Variants in KCNK2 observed in about 807,000 individuals in gnomAD.
The protein encoded by KCNK2 is potassium two pore domain channel subfamily K member 2.
KCNK2 carries 21 observed loss-of-function variants against 40.5 expected under a neutral mutation model. The observed-to-expected ratio is 0.52, with a 90% CI of 0.37 to 0.75. The LOEUF (loss-of-function observed/expected upper bound fraction) is 0.75. KCNK2 is among the 30% of genes least tolerant of loss of function. KCNK2 has a pLI of 0.00. For missense variants in KCNK2, 399 were observed against 531.6 expected (o/e 0.75, Z 2.45); for synonymous variants, 191 against 202.2 (o/e 0.94, Z 0.47).
At chr1:215,200,107 G>C (rs549117424) in intron 6 of KCNK2, among the ~76,000 whole-genome samples, 1 of 152,144 alleles carries the variant, frequency 6.6e-6, no homozygotes. Context: ...CTTAGTCTCC[G>C]GAGATGTTTA....
chr1:215,059,507 A>G (rs1558072867), intron 1 of KCNK2, among the ~76,000 whole-genome samples: 1 of 152,316 alleles, frequency 6.6e-6, no homozygotes, highest in South Asian at 2.1e-4. Flanking sequence ...AGAGAAAAAT[A>G]TTAATAAGAT....
At chr1:215,063,679 T>G (rs1416372664) in intron 1 of KCNK2, among the ~76,000 whole-genome samples, 1 of 152,182 alleles carries the variant, frequency 6.6e-6, no homozygotes, top group Non-Finnish European at 1.5e-5. Flanking sequence ...TCGCTCAGAC[T>G]CCTCTGAGAG....
chr1:215,014,941 A>G, intron 1 of KCNK2, among the ~76,000 whole-genome samples: 1 of 152,136 alleles, frequency 6.6e-6, no homozygotes, highest in East Asian at 1.9e-4. Flanking sequence ...ATATTAGCTA[A>G]AGGGAGAGAG....
intron 6 of KCNK2, among the ~76,000 whole-genome samples, chr1:215,196,804 T>C (rs1213167678): frequency 1.3e-5 from 2 of 152,066 alleles, no homozygotes; most frequent in East Asian, 3.9e-4. Flanking sequence ...ATGGAAATTG[T>C]AGCTAGGGAA....
chr1:215,057,648 G>A (rs903627190), intron 1 of KCNK2, among the ~76,000 whole-genome samples: 1 of 152,132 alleles, frequency 6.6e-6, no homozygotes, highest in African/African-American at 2.4e-5. Context: ...TGGCAAGATG[G>A]AAGAAACAAA....
chr1:215,148,412 C>T (rs555760660), intron 3 of KCNK2, among the ~76,000 whole-genome samples: 69 of 151,704 alleles, frequency 4.5e-4, no homozygotes, highest in South Asian at 8.3e-4. Flanking sequence ...TAAATATGTA[C>T]GTATCAATAA....
At position 215,101,492 on chromosome 1, in the gene KCNK2, G is replaced by C. The variant is rs548615987; in HGVS notation, c.357+14814G>C. Among the ~76,000 whole-genome samples, 3 of 152,066 alleles carry C rather than the reference G, an allele frequency of 2.0e-5. No individual in the cohort carries two copies. The South Asian group carries it at 6.2e-4, about 32-fold the overall frequency. On this transcript the variant is annotated intron_variant, in intron 2 of 6. Transcript: ENST00000444842. ...TGATGTGTTCTAAGACCCATAGAAGGTCTGATGTGATCGGGCCATCTCTGG... is the reference window on the plus strand; with the variant it reads ...TGATGTGTTCTAAGACCCATAGAAGCTCTGATGTGATCGGGCCATCTCTGG...
chr1:215,194,846 AT>A, intron 5 of KCNK2, 106 bp from the exon 6 acceptor site: 1 of 857,440 alleles, frequency 1.2e-6, no homozygotes, highest in South Asian at 1.6e-5. Flanking sequence ...AGAATACTAG[AT>A]TTCTATGTTT....
At chr1:215,034,299 T>A (rs986166069) in intron 1 of KCNK2, among the ~76,000 whole-genome samples, 3 of 152,130 alleles carry the variant, frequency 2.0e-5, no homozygotes, top group Admixed American at 6.6e-5. Context: ...TGTATCTATA[T>A]ACCAAAATTT....
chr1:215,224,833 T>C (rs950520786), intron 6 of KCNK2, among the ~76,000 whole-genome samples: 6 of 152,190 alleles, frequency 3.9e-5, no homozygotes, highest in African/African-American at 1.2e-4. Context: ...TTTTAAAATT[T>C]ATACCATTGA....
At chr1:215,171,783 C>G (rs1006833794) in intron 4 of KCNK2, among the ~76,000 whole-genome samples, 5 of 151,862 alleles carry the variant, frequency 3.3e-5, no homozygotes, top group Non-Finnish European at 7.4e-5. Flanking sequence ...ATTGATGATA[C>G]CTAATTTTCA....
intron 2 of KCNK2, among the ~76,000 whole-genome samples, chr1:215,123,039 C>G (rs1232796524): frequency 6.6e-6 from 1 of 152,004 alleles, no homozygotes; most frequent in Non-Finnish European, 1.5e-5. Context: ...CCACCACGCC[C>G]CACCGAAAAC....
intron 6 of KCNK2, among the ~76,000 whole-genome samples, chr1:215,209,476 T>TATAATATATAATATATATTA (rs1553274203): frequency 2.3e-5 from 1 of 43,192 alleles, no homozygotes; most frequent in Non-Finnish European, 4.2e-5. Flanking sequence ...ATAATATATA[T>TATAATATATAATATATATTA]TATATATAAT....
chr1:215,094,928 G>A lies in KCNK2; in HGVS notation c.357+8250G>A, dbSNP rs989938012. Among the ~76,000 whole-genome samples the A allele has an allele frequency of 1.3e-4, 20 of 151,926 alleles. No homozygotes were observed. The East Asian group carries it at 1.9e-3, about 15-fold the overall frequency. ...GAAATTATTCTGCATGTAAATTTTCGTATATTTCAAAATATTTTTTGGCAG... is the reference window on the plus strand; with the variant it reads ...GAAATTATTCTGCATGTAAATTTTCATATATTTCAAAATATTTTTTGGCAG... On this transcript the variant is annotated intron_variant, in intron 2 of 6. Coordinates refer to ENST00000444842, the MANE Select transcript of KCNK2 (RefSeq NM_001017425.3).
At chr1:215,036,205 T>G (rs1212154406) in intron 1 of KCNK2, among the ~76,000 whole-genome samples, 1 of 151,842 alleles carries the variant, frequency 6.6e-6, no homozygotes, top group Non-Finnish European at 1.5e-5. Flanking sequence ...CAAATTGATT[T>G]TTTTGAGTGT....
At chr1:215,212,865 G>T (rs949113325) in intron 6 of KCNK2, among the ~76,000 whole-genome samples, 1 of 152,186 alleles carries the variant, frequency 6.6e-6, no homozygotes, top group Non-Finnish European at 1.5e-5. Flanking sequence ...CTCCAGGAAA[G>T]AATTAGTTCT....
At position 215,182,460 on chromosome 1, in the gene KCNK2, T is replaced by C. The variant is rs150536343; in HGVS notation, c.823+10277T>C. 8.7e-4 allele frequency among the ~76,000 whole-genome samples: 132 copies of C among 152,236 alleles called. 1 individual carries two copies. The East Asian group carries it at 0.022, about 25-fold the overall frequency. ...TTTCAGTGGAAAGGGCCCACTGCAC[T>C]ACAATCTCAGGGGAGCATCCTGGGC... On this transcript the variant is annotated intron_variant, in intron 5 of 6. Transcript: ENST00000444842.
intron 3 of KCNK2, among the ~76,000 whole-genome samples, chr1:215,150,482 T>C (rs1184407650): frequency 2.6e-5 from 4 of 152,180 alleles, no homozygotes; most frequent in Non-Finnish European, 4.4e-5. Context: ...TAAAAATTAG[T>C]ATGCAGCATT....
chr1:215,200,372 G>A (rs115689689), intron 6 of KCNK2, among the ~76,000 whole-genome samples: 393 of 152,252 alleles, frequency 2.6e-3, no homozygotes, highest in African/African-American at 9.1e-3. Context: ...AAAGAGCTGG[G>A]ACTTGGAGGC....
Sources: gnomAD v4.1 joint callset for allele counts (sites outside exome capture counted in the v4.1 genomes callset) on GRCh38, gnomAD v4.1.1 for gene constraint, MANE v1.5 for transcripts, NCBI Gene and HGNC (gene_info 2026-07-23, HGNC 2026-07-21) for gene names.